Variants in NEXMIF observed in about 807,000 individuals in gnomAD.
NEXMIF encodes XLMR protein related to neurite extension.
A neutral mutation model predicts 62.1 loss-of-function variants in NEXMIF; 8 were observed. That is an observed-to-expected ratio of 0.13 (90% CI 0.08 to 0.23). NEXMIF has a LOEUF of 0.23. NEXMIF is among the 10% of genes least tolerant of loss of function. The probability of loss-of-function intolerance (pLI) is 1.00; values close to 1 mark genes in which losing one functional copy is unlikely to be tolerated. For missense variants in NEXMIF, 976 were observed against 1,113.3 expected, an observed-to-expected ratio of 0.88 and a Z score of 1.75; for synonymous variants, 404 against 416.6, an observed-to-expected ratio of 0.97 and a Z score of 0.37.
chrX:74,758,912 T>C (rs942859423), intron 1 of NEXMIF, among the ~76,000 whole-genome samples: 1 of 112,597 alleles, frequency 8.9e-6, no homozygotes, highest in Middle Eastern at 4.6e-3. Flanking sequence ...CCTTTGCATA[T>C]ATACCCAGTA....
intron 1 of NEXMIF, among the ~76,000 whole-genome samples, chrX:74,782,344 G>A (rs899926942): frequency 1.3e-4 from 15 of 111,800 alleles, no homozygotes; most frequent in South Asian, 3.8e-4. Context: ...AACATTAAAT[G>A]CTAGTGAGCA....
intron 1 of NEXMIF, among the ~76,000 whole-genome samples, chrX:74,852,080 CT>C (rs1465463850): frequency 9.1e-6 from 1 of 110,114 alleles, no homozygotes; most frequent in African/African-American, 3.3e-5. Flanking sequence ...CTCATTTCAC[CT>C]GTAAAGACAC....
At chrX:74,885,108 G>C (rs2080685482) in intron 1 of NEXMIF, among the ~76,000 whole-genome samples, 1 of 110,266 alleles carries the variant, frequency 9.1e-6, no homozygotes, top group African/African-American at 3.3e-5. Flanking sequence ...CGAGAACAAA[G>C]ACACAACATA....
chrX:74,882,223 C>A, intron 1 of NEXMIF, among the ~76,000 whole-genome samples: 2 of 112,131 alleles, frequency 1.8e-5, no homozygotes, highest in South Asian at 7.6e-4. Flanking sequence ...GCGTGAGCGA[C>A]GCAGAAGATG....
chrX:74,848,191 A>T (rs1341467535), intron 1 of NEXMIF, among the ~76,000 whole-genome samples: 1 of 111,863 alleles, frequency 8.9e-6, no homozygotes, highest in Non-Finnish European at 1.9e-5. Flanking sequence ...AAAAATGAAA[A>T]TTACTTTTAG....
chrX:74,875,248 T>C (rs1251801003), intron 1 of NEXMIF, among the ~76,000 whole-genome samples: 4 of 109,887 alleles, frequency 3.6e-5, no homozygotes, highest in Non-Finnish European at 7.5e-5. Context: ...TCTATTGAGA[T>C]AATCATGTGG....
chrX:74,920,791 G>C (rs2080824306), intron 1 of NEXMIF, among the ~76,000 whole-genome samples: 1 of 111,577 alleles, frequency 9.0e-6, no homozygotes. Context: ...ACCTGTTCTT[G>C]ACAGAGGATG....
At chrX:74,912,927 C>G (rs761751913) in intron 1 of NEXMIF, among the ~76,000 whole-genome samples, 1 of 112,050 alleles carries the variant, frequency 8.9e-6, no homozygotes, top group South Asian at 3.8e-4. Context: ...AACAAGACAG[C>G]AACTCCCTTC....
intron 1 of NEXMIF, among the ~76,000 whole-genome samples, chrX:74,885,633 T>G (rs1408733519): frequency 4.5e-5 from 5 of 111,150 alleles, no homozygotes; most frequent in Admixed American, 3.8e-4. Context: ...AATAACAGGA[T>G]CTGAAATTGT....
intron 1 of NEXMIF, among the ~76,000 whole-genome samples, chrX:74,882,999 G>C (rs2080672707): frequency 9.0e-6 from 1 of 111,673 alleles, no homozygotes; most frequent in Admixed American, 9.5e-5. Flanking sequence ...AATATCCGCT[G>C]TTCTGCAGCC....
intron 1 of NEXMIF, among the ~76,000 whole-genome samples, chrX:74,882,215 G>A (rs923158212): frequency 5.3e-5 from 6 of 112,182 alleles, no homozygotes; most frequent in South Asian, 3.8e-4. Context: ...AGCTCCCAGC[G>A]TGAGCGACGC....
At chrX:74,889,777 C>T (rs147239282) in intron 1 of NEXMIF, among the ~76,000 whole-genome samples, 58 of 111,287 alleles carry the variant, frequency 5.2e-4, no homozygotes, top group African/African-American at 1.8e-3. Flanking sequence ...GTCTGTTGTG[C>T]ACTGAGATAT....
intron 1 of NEXMIF, among the ~76,000 whole-genome samples, chrX:74,876,278 A>C (rs1050156599): frequency 9.9e-5 from 11 of 111,522 alleles, no homozygotes; most frequent in African/African-American, 3.6e-4. Flanking sequence ...CAGGTTGCTC[A>C]GTTTCAATGT....
At position 74,740,493 on chromosome X, in the gene NEXMIF, T is replaced by C; in HGVS notation, c.4064A>G (p.Tyr1355Cys). Reference protein sequence around the residue: ...MEHHGDPNIFYSPESNSLKLK... With the variant: ...MEHHGDPNIFCSPESNSLKLK... ...TTTTAGACTATTGGACTCAGGGGAG[T>C]AGAATATGTTGGGATCCCCATGGTG... is the stretch of plus-strand genomic sequence containing the variant. Residue 1355 changes from tyrosine to cysteine, a missense_variant, in exon 3 of 4, where the codon TAC becomes TGC. By Grantham distance (194) the Tyr-to-Cys change is radical (BLOSUM62 -2). This residue lies in a region of NEXMIF where 137 missense variants were observed against 128.9 expected (regional missense o/e 1.06). Coordinates refer to ENST00000055682, the MANE Select transcript of NEXMIF (RefSeq NM_001008537.3). 1 of 1,209,832 alleles carries C rather than the reference T, an allele frequency of 8.3e-7. No homozygotes were observed. Among genetic ancestry groups the C allele is most frequent in the Non-Finnish European group, 1.1e-6 (1 of 894,906 alleles).
rs1569345258 is a variant in NEXMIF at position 74,796,236 on chromosome X, A to ATATATACACATATATATTATATATAT, written c.-47-50540_-47-50539insATATATATAATATATATGTGTATATA. Among the ~76,000 whole-genome samples, 398 of 58,556 alleles carry ATATATACACATATATATTATATATAT rather than the reference A, an allele frequency of 6.8e-3. 14 individuals carry two copies. The highest frequency in any genetic ancestry group is 0.025 in the African/African-American group (387 of 15,282). The allele number at this position is 58,556 out of a possible 115,157, so 50.8% of individuals were successfully genotyped here. The stretch of plus-strand genomic sequence containing the variant: ...ATATATATATACATATATAATATAT[A>ATATATACACATATATATTATATATAT]TATATATACACATATATATTATATA... On this transcript the variant is annotated intron_variant, in intron 1 of 3. Coordinates refer to ENST00000055682, the MANE Select transcript of NEXMIF (RefSeq NM_001008537.3).
At chrX:74,878,220 A>T (rs955411257) in intron 1 of NEXMIF, among the ~76,000 whole-genome samples, 1 of 111,563 alleles carries the variant, frequency 9.0e-6, no homozygotes, top group African/African-American at 3.3e-5. Flanking sequence ...CGGGACCCTC[A>T]GCTGCAGGTC....
intron 1 of NEXMIF, among the ~76,000 whole-genome samples, chrX:74,850,907 A>G (rs1189944513): frequency 9.0e-6 from 1 of 110,977 alleles, no homozygotes; most frequent in East Asian, 2.8e-4. Context: ...AAAAATTATT[A>G]AAAGTGTTGA....
chrX:74,893,048 T>C (rs1327877884), intron 1 of NEXMIF, among the ~76,000 whole-genome samples: 3 of 112,097 alleles, frequency 2.7e-5, no homozygotes, highest in Non-Finnish European at 5.6e-5. Context: ...GGAATTAAAG[T>C]ACTAGAAAAT....
intron 1 of NEXMIF, among the ~76,000 whole-genome samples, chrX:74,821,461 G>A (rs901852073): frequency 7.2e-5 from 8 of 111,308 alleles, no homozygotes; most frequent in Admixed American, 5.7e-4. Context: ...TTCCTGAAAG[G>A]GGAAAAAGTC....
Sources: allele counts gnomAD v4.1 joint callset (sites outside exome capture counted in the v4.1 genomes callset), GRCh38; gene constraint gnomAD v4.1.1; regional missense constraint gnomAD v4.1.1; transcripts MANE v1.5; gene names NCBI Gene and HGNC (gene_info 2026-07-23, HGNC 2026-07-21).